The following PRR16 variants were observed in gnomAD, a reference collection of about 807,000 sequenced individuals.
PRR16 encodes protein Largen.
A neutral mutation model predicts 18.2 loss-of-function variants in PRR16; 6 were observed. The ratio of observed to expected loss-of-function variants is 0.33; its 90% CI spans 0.18 to 0.65. The LOEUF is 0.65. PRR16 is among the 30% of genes least tolerant of loss of function. The pLI is 0.74. For synonymous variants in PRR16, 151 were observed against 147.8 expected (o/e 1.02, Z -0.16); for missense variants, 412 against 376.6 (o/e 1.09, Z -0.78).
chr5:120,490,002 A>G (rs924011583), intron 1 of PRR16, among the ~76,000 whole-genome samples: 15 of 152,062 alleles, frequency 9.9e-5, no homozygotes, highest in African/African-American at 1.9e-4. Flanking sequence ...TGGCTTGTAG[A>G]GTTTCTGCCG....
At chr5:120,706,515 G>A in the PRR16 span, among the ~76,000 whole-genome samples, 15 of 152,110 alleles carry the variant, frequency 9.9e-5, no homozygotes, top group Admixed American at 9.2e-4. Context: ...TTCAACTGCC[G>A]TATCACACCA....
intron 1 of PRR16, among the ~76,000 whole-genome samples, chr5:120,514,722 C>T (rs1400692574): frequency 6.6e-6 from 1 of 152,200 alleles, no homozygotes; most frequent in Non-Finnish European, 1.5e-5. Flanking sequence ...TCCAAGACCT[C>T]ATCACAATGT....
intron 1 of PRR16, among the ~76,000 whole-genome samples, chr5:120,511,993 A>C (rs984542722): frequency 3.3e-5 from 5 of 152,160 alleles, no homozygotes; most frequent in Admixed American, 2.0e-4. Context: ...TCCACAGTTA[A>C]ATTATTCAGC....
At chr5:120,645,133 A>G (rs550539268) in intron 1 of PRR16, among the ~76,000 whole-genome samples, 1 of 152,220 alleles carries the variant, frequency 6.6e-6, no homozygotes, top group South Asian at 2.1e-4. Context: ...AGCGTCTGTT[A>G]TGGAAACAAG....
At chr5:120,757,414 C>G in the PRR16 span, among the ~76,000 whole-genome samples, 1 of 151,940 alleles carries the variant, frequency 6.6e-6, no homozygotes, top group African/African-American at 2.4e-5. Context: ...GGCATTATGG[C>G]CATTTTAATG....
chr5:120,721,424 C>T, the PRR16 span, among the ~76,000 whole-genome samples: 3 of 151,848 alleles, frequency 2.0e-5, no homozygotes, highest in South Asian at 2.1e-4. Flanking sequence ...TTTCAAATAG[C>T]GGTATCATGT....
the PRR16 span, among the ~76,000 whole-genome samples, chr5:120,785,569 G>GTTTTTTTTTTTTTTTTTTTTTTTTTT: frequency 1.0e-5 from 1 of 99,604 alleles, no homozygotes; most frequent in African/African-American, 3.8e-5. Context: ...GTGTTTTGTT[G>GTTTTTTTTTTTTTTTTTTTTTTTTTT]TTGTTGTTTT....
the PRR16 span, among the ~76,000 whole-genome samples, chr5:120,698,974 G>T: frequency 6.6e-6 from 1 of 152,122 alleles, no homozygotes; most frequent in East Asian, 1.9e-4. Context: ...CTGACAGAAG[G>T]GAAGAAATGA....
chr5:120,751,509 C>T, the PRR16 span, among the ~76,000 whole-genome samples: 8,784 of 151,912 alleles, frequency 0.058, 321 homozygotes, highest in South Asian at 0.082. Flanking sequence ...GTGGTTTTGA[C>T]TTGTATTTCT....
At position 120,662,071 on chromosome 5, in the gene PRR16, G is replaced by C. The variant is rs183679574; in HGVS notation, c.160-23883G>C. ...GCTATAGTCAGGCCTTGGTAGCTAG[G>C]GTTGGTTCTTCACTGCTACATCCTG... is the stretch of plus-strand genomic sequence containing the variant. On this transcript the variant is annotated intron_variant, in intron 1 of 1. Transcript: ENST00000407149. Among the ~76,000 whole-genome samples the C allele has an allele frequency of 5.9e-5, 9 of 152,050 alleles. No homozygotes were observed. The East Asian group carries it at 1.7e-3, about 29-fold the overall frequency.
chr5:120,748,295 T>C, the PRR16 span, among the ~76,000 whole-genome samples: 1 of 152,112 alleles, frequency 6.6e-6, no homozygotes, highest in Non-Finnish European at 1.5e-5. Context: ...ATCTATCTCT[T>C]TCAGACAAAT....
chr5:120,493,934 G>A (rs896248055), intron 1 of PRR16, among the ~76,000 whole-genome samples: 7 of 151,962 alleles, frequency 4.6e-5, no homozygotes, highest in South Asian at 2.1e-4. Context: ...AACATTCACC[G>A]GCTGAAGGAC....
chr5:120,606,981 T>C (rs981863314), intron 1 of PRR16, among the ~76,000 whole-genome samples: 5 of 152,208 alleles, frequency 3.3e-5, no homozygotes, highest in African/African-American at 4.8e-5. Flanking sequence ...CATTTAACAA[T>C]GCAAAGATCC....
chr5:120,516,360 G>A (rs1207575732), intron 1 of PRR16, among the ~76,000 whole-genome samples: 1 of 150,434 alleles, frequency 6.6e-6, no homozygotes, highest in African/African-American at 2.4e-5. Context: ...AGGAGGCAGA[G>A]GTTGCAATGA....
At chr5:120,509,091 G>A (rs1750739037) in intron 1 of PRR16, among the ~76,000 whole-genome samples, 1 of 152,168 alleles carries the variant, frequency 6.6e-6, no homozygotes, top group South Asian at 2.1e-4. Context: ...TGTTTATGTT[G>A]CCTGTGAATC....
chr5:120,746,551 G>A, the PRR16 span, among the ~76,000 whole-genome samples: 2 of 151,914 alleles, frequency 1.3e-5, no homozygotes, highest in Non-Finnish European at 2.9e-5. Context: ...TATCTTTTAC[G>A]AATTTCTTTC....
chr5:120,483,023 G>T (rs1167678778), intron 1 of PRR16, among the ~76,000 whole-genome samples: 1 of 152,130 alleles, frequency 6.6e-6, no homozygotes, highest in Non-Finnish European at 1.5e-5. Context: ...GTAGGTTAGG[G>T]AATGCTGCAG....
intron 1 of PRR16, among the ~76,000 whole-genome samples, chr5:120,676,587 A>G (rs1314159019): frequency 6.6e-6 from 1 of 151,786 alleles, no homozygotes; most frequent in Non-Finnish European, 1.5e-5. Flanking sequence ...TATATCAAGG[A>G]AAAAAGAAAG....
chr5:120,654,937 A>T (rs1755915629), intron 1 of PRR16, among the ~76,000 whole-genome samples: 1 of 151,902 alleles, frequency 6.6e-6, no homozygotes, highest in Non-Finnish European at 1.5e-5. Flanking sequence ...GGATTAGAGA[A>T]GGGAGAACGA....
Sources: gnomAD v4.1 joint callset for allele counts (sites outside exome capture counted in the v4.1 genomes callset) on GRCh38, gnomAD v4.1.1 for gene constraint, MANE v1.5 for transcripts, NCBI Gene and HGNC (gene_info 2026-07-23, HGNC 2026-07-21) for gene names.